AKAP9: variants seen among roughly 807,000 people sequenced by gnomAD.
AKAP9 encodes A-kinase anchoring protein 9, also known as A-kinase anchor protein 9.
Under a neutral mutation model 488.5 loss-of-function variants are expected in AKAP9, and 311 were observed. The observed-to-expected ratio is 0.64, with a 90% CI of 0.58 to 0.70. The LOEUF is 0.70. AKAP9 is among the 30% of genes least tolerant of loss of function. The probability of loss-of-function intolerance (pLI) is 0.00; values close to 1 mark genes in which losing one functional copy is unlikely to be tolerated. For missense variants in AKAP9, 4,215 were observed against 4,374.5 expected, an observed-to-expected ratio of 0.96 and a Z score of 1.03; for synonymous variants, 1,462 against 1,483.5, an observed-to-expected ratio of 0.99 and a Z score of 0.33.
At position 92,079,657 on chromosome 7, in the gene AKAP9, T is replaced by C. The variant is rs190228319; in HGVS notation, c.7524T>C (p.Val2508=). ...ETRLLQLEST[V]SAKDLELTQC... ...GGTTGCTACAACTTGAGAGCACTGT[T>C]AGTGCAAAGGACTTAGAACTTACCC... Residue 2508 remains valine (V), a synonymous_variant, in exon 31 of 50, where the codon GTT becomes GTC. Transcript: ENST00000356239. 9.9e-6 allele frequency: 16 copies of C among 1,613,920 alleles called. No homozygotes were observed. The highest frequency in any genetic ancestry group is 1.4e-5 in the Non-Finnish European group (16 of 1,179,922).
At chr7:92,043,413 A>C in intron 20 of AKAP9, 1 of 793,754 alleles carries the variant, frequency 1.3e-6, no homozygotes, top group Non-Finnish European at 1.5e-6. Flanking sequence ...AATATAAAAT[A>C]AACACTTTGT....
At chr7:92,039,927 G>A (rs1805790819) in intron 17 of AKAP9, among the ~76,000 whole-genome samples, 1 of 152,046 alleles carries the variant, frequency 6.6e-6, no homozygotes, top group Admixed American at 6.5e-5. Flanking sequence ...GTGAGCCAAG[G>A]TGGTGCCACT....
At chr7:91,970,338 C>G in intron 1 of AKAP9, 1 of 308,308 alleles carries the variant, frequency 3.2e-6, no homozygotes, top group South Asian at 2.9e-5. Context: ...GGACTTCATC[C>G]TAGAGTTATG....
At chr7:92,065,860 G>A (rs527279839) in intron 25 of AKAP9, among the ~76,000 whole-genome samples, 33 of 152,184 alleles carry the variant, frequency 2.2e-4, no homozygotes, top group African/African-American at 7.2e-4. Context: ...ATTGGAAATG[G>A]GCCCGGAACA....
chr7:91,954,932 C>T (rs907872525), intron 1 of AKAP9, among the ~76,000 whole-genome samples: 1 of 152,162 alleles, frequency 6.6e-6, no homozygotes, highest in Admixed American at 6.5e-5. Context: ...ATGTTGGATA[C>T]AAAGAGAAGT....
intron 2 of AKAP9, among the ~76,000 whole-genome samples, chr7:91,978,891 G>A (rs946648150): frequency 6.6e-6 from 1 of 150,874 alleles, no homozygotes; most frequent in Admixed American, 6.6e-5. Context: ...CAGGTAGCTG[G>A]GATTACAGGC....
chr7:92,075,107 A>C (rs1212338553), intron 28 of AKAP9, among the ~76,000 whole-genome samples: 1 of 151,988 alleles, frequency 6.6e-6, no homozygotes, highest in African/African-American at 2.4e-5. Context: ...AAAATAAAAC[A>C]CAAGTGTGGG....
At chr7:92,071,093 T>A in intron 28 of AKAP9, 84 bp downstream of exon 28, 1 of 1,333,048 alleles carries the variant, frequency 7.5e-7, no homozygotes, top group Non-Finnish European at 1.1e-6. Context: ...GAACTGAATG[T>A]AGTTTATGAT....
At chr7:92,085,158 T>C (rs950710778) in intron 35 of AKAP9, among the ~76,000 whole-genome samples, 1 of 152,200 alleles carries the variant, frequency 6.6e-6, no homozygotes, top group African/African-American at 2.4e-5. Flanking sequence ...ATAATTCTTA[T>C]TCCTGATGTA....
chr7:91,970,651 A>T (rs1050556240), intron 1 of AKAP9: 8 of 369,788 alleles, frequency 2.2e-5, no homozygotes, highest in Non-Finnish European at 4.2e-5. Flanking sequence ...ATGTTGTCCC[A>T]CATCCTCCTA....
At chr7:91,949,346 G>C (rs1791910014) in intron 1 of AKAP9, among the ~76,000 whole-genome samples, 1 of 152,076 alleles carries the variant, frequency 6.6e-6, no homozygotes, top group South Asian at 2.1e-4. Flanking sequence ...TTGGTGAGTT[G>C]ATAACAGCAT....
intron 1 of AKAP9, among the ~76,000 whole-genome samples, chr7:91,959,349 C>T (rs775695248): frequency 2.6e-5 from 4 of 151,744 alleles, no homozygotes; most frequent in Non-Finnish European, 5.9e-5. Flanking sequence ...GAGTGGAGTG[C>T]GGTGATGTGA....
chr7:91,966,691 T>A (rs190063755), intron 1 of AKAP9, among the ~76,000 whole-genome samples: 5 of 152,336 alleles, frequency 3.3e-5, no homozygotes, highest in Admixed American at 1.3e-4. Flanking sequence ...GTTCCATTGG[T>A]CTGTGTGTCT....
At chr7:92,062,567 C>T (rs1810065313) in intron 24 of AKAP9, 81 bp downstream of exon 24, 12 of 1,089,774 alleles carry the variant, frequency 1.1e-5, no homozygotes, top group Admixed American at 1.9e-5. Context: ...CTTTTTTCCT[C>T]TTTCAGTGCC....
chr7:92,016,228 G>T lies in AKAP9; in HGVS notation c.3712G>T (p.Glu1238Ter). ...TTCTGGTGATTACATTTCTGAAAAT[G>T]AAGATCCAGAATTACAAGATTATAG... ...ENSGDYISEN[E>*]DPELQDYRYE... Residue 1238 changes from glutamate (E) to a stop codon, truncating the protein, a stop_gained, in exon 11 of 50, where the codon GAA becomes TAA. Coordinates refer to ENST00000356239, the MANE Select transcript of AKAP9 (RefSeq NM_005751.5). LOFTEE classifies it high-confidence loss of function. 1 of 1,568,538 alleles carries T rather than the reference G, an allele frequency of 6.4e-7. No homozygotes were observed. The highest frequency in any genetic ancestry group is 1.1e-5 in the South Asian group (1 of 89,698).
At chr7:91,999,278 T>G (rs1158659159) in intron 7 of AKAP9, among the ~76,000 whole-genome samples, 1 of 152,022 alleles carries the variant, frequency 6.6e-6, no homozygotes, top group Non-Finnish European at 1.5e-5. Flanking sequence ...CAGGCTGGAG[T>G]GCAATGGTGA....
At chr7:91,991,472 C>CT (rs766603127) in intron 3 of AKAP9, among the ~76,000 whole-genome samples, 2,749 of 135,860 alleles carry the variant, frequency 0.02, 71 homozygotes, top group African/African-American at 0.06. Context: ...GGGAAGAACT[C>CT]TTTTTTTTTT....
chr7:92,097,308 GA>G lies in AKAP9; in HGVS notation c.10350del (p.Glu3451LysfsTer22). The G allele has an allele frequency of 6.2e-7, 1 of 1,613,714 alleles. No individual in the cohort carries two copies. The highest frequency in any genetic ancestry group is 8.5e-7 in the Non-Finnish European group (1 of 1,179,962). On this transcript the variant is annotated frameshift_variant, in exon 41 of 50. Coordinates refer to ENST00000356239, the MANE Select transcript of AKAP9 (RefSeq NM_005751.5). LOFTEE classifies it high-confidence loss of function. ...GAATTCCAGAAGCAAGAACTAGAAC[GA>G]GAAGAAAAACGAGAAAGTAGAAGAA... ...MQEFQKQELE[R>X]EEKRESRRIL...
intron 45 of AKAP9, among the ~76,000 whole-genome samples, chr7:92,101,259 AC>A (rs1817471149): frequency 6.6e-6 from 1 of 152,084 alleles, no homozygotes; most frequent in Admixed American, 6.5e-5. Flanking sequence ...ACACGGTGAA[AC>A]CCCGTCTCTA....
Sources: allele counts gnomAD v4.1 joint callset (sites outside exome capture counted in the v4.1 genomes callset), GRCh38; gene constraint gnomAD v4.1.1; transcripts MANE v1.5; gene names NCBI Gene and HGNC (gene_info 2026-07-23, HGNC 2026-07-21).